The following PRUNE2 variants were observed in gnomAD, a reference collection of about 807,000 sequenced individuals.
The protein encoded by PRUNE2 is prune homolog 2 with BCH domain.
A neutral mutation model predicts 252.0 loss-of-function variants in PRUNE2; 164 were observed. The ratio of observed to expected loss-of-function variants is 0.65; its 90% CI spans 0.57 to 0.74. The LOEUF (loss-of-function observed/expected upper bound fraction) is 0.74, where lower values mean the gene tolerates loss of function less well. Ranked by LOEUF, PRUNE2 falls within the 30% of genes least tolerant of loss-of-function variation. The probability of loss-of-function intolerance (pLI) is 0.00; values close to 1 mark genes in which losing one functional copy is unlikely to be tolerated. For missense variants in PRUNE2, 3,495 were observed against 3,711.0 expected (o/e 0.94, Z 1.51); for synonymous variants, 1,292 against 1,350.2 (o/e 0.96, Z 0.94).
intron 4 of PRUNE2, among the ~76,000 whole-genome samples, chr9:76,842,278 G>A (rs1424255695): frequency 6.6e-6 from 1 of 152,176 alleles, no homozygotes; most frequent in Non-Finnish European, 1.5e-5. Flanking sequence ...GGGAAAACTG[G>A]CTAGCCATAT....
At chr9:76,747,374 CTGTT>C (rs1302210043) in intron 6 of PRUNE2, among the ~76,000 whole-genome samples, 1 of 152,130 alleles carries the variant, frequency 6.6e-6, no homozygotes, top group Non-Finnish European at 1.5e-5. Context: ...GCAAAAGTTA[CTGTT>C]TGTTGAGCCT....
intron 9 of PRUNE2, among the ~76,000 whole-genome samples, chr9:76,693,632 C>CG (rs1266455275): frequency 6.6e-6 from 1 of 151,778 alleles, no homozygotes; most frequent in East Asian, 1.9e-4. Context: ...TTAGTGGAGA[C>CG]GGGGTTTCAT....
intron 1 of PRUNE2, among the ~76,000 whole-genome samples, chr9:76,873,243 G>C (rs1206031653): frequency 1.3e-5 from 2 of 152,160 alleles, no homozygotes; most frequent in East Asian, 3.8e-4. Flanking sequence ...ATCAGCCCTA[G>C]AAAACTAGTA....
At position 76,706,382 on chromosome 9, in the gene PRUNE2, C is replaced by A; in HGVS notation, c.5892G>T (p.Leu1964=). The change falls in exon 8 of 19, where the codon CTG becomes CTT. Residue 1964 remains leucine (L), a synonymous_variant. Coordinates refer to ENST00000376718, the MANE Select transcript of PRUNE2 (RefSeq NM_015225.3). ...CTGTGTCCGGATGATCACAGACTGG[C>A]AGCATGGTGTCCTGACACTGCTCTT... ...PTQEQCQDTM[L]PVCDHPDTAF... is the part of the protein sequence containing the mutation. 4 of 1,614,018 alleles carry A rather than the reference C, an allele frequency of 2.5e-6. No individual in the cohort carries two copies. The highest frequency in any genetic ancestry group is 1.7e-6 in the Non-Finnish European group (2 of 1,179,892).
chr9:76,759,077 G>T (rs2130674717), intron 6 of PRUNE2: 1 of 152,408 alleles, frequency 6.6e-6, no homozygotes, highest in East Asian at 1.9e-4. Context: ...CTTTTAGCTG[G>T]TGGCCACTGA....
intron 4 of PRUNE2, among the ~76,000 whole-genome samples, chr9:76,837,797 A>T (rs746674093): frequency 2.0e-4 from 27 of 137,330 alleles, no homozygotes; most frequent in Non-Finnish European, 3.5e-4. Context: ...TTTGAGACGG[A>T]GTCTTGCTCT....
chr9:76,690,131 T>A (rs750556995), intron 9 of PRUNE2, among the ~76,000 whole-genome samples: 3 of 152,232 alleles, frequency 2.0e-5, no homozygotes, highest in Non-Finnish European at 2.9e-5. Flanking sequence ...GGAGCCATGT[T>A]CTTTGTCAAC....
chr9:76,852,626 G>A (rs1325789320), intron 2 of PRUNE2, among the ~76,000 whole-genome samples: 1 of 152,152 alleles, frequency 6.6e-6, no homozygotes, highest in African/African-American at 2.4e-5. Context: ...AAATTTAAAT[G>A]GAGACACAGA....
intron 15 of PRUNE2, among the ~76,000 whole-genome samples, chr9:76,634,956 C>T (rs1839353412): frequency 6.6e-6 from 1 of 152,024 alleles, no homozygotes; most frequent in Non-Finnish European, 1.5e-5. Flanking sequence ...TCTTTGTATA[C>T]CTTAAATAGG....
In PRUNE2 at chr9:76,850,652, C is replaced by T. The variant is rs1169242074; in HGVS notation, c.155G>A (p.Gly52Glu). The change falls in exon 3 of 19, where the codon GGG (glycine) becomes GAG (glutamate). Residue 52 changes from glycine (G) to glutamate (E), a missense_variant. Gly to Glu is a moderately conservative substitution (Grantham distance 98). Coordinates refer to ENST00000376718, the MANE Select transcript of PRUNE2 (RefSeq NM_015225.3). ...GTTCAGCACTGGTAAACACAGAACC[C>T]CTGGTGGACTGACCTACCAAGAAAA... is the stretch of plus-strand genomic sequence containing the variant. ...AYFLDKVSPP[G>E]VLCLPVLNIP... 1.2e-6 allele frequency: 2 copies of T among 1,612,894 alleles called. No homozygotes were observed.
At chr9:76,803,853 T>A (rs1006778805) in intron 6 of PRUNE2, among the ~76,000 whole-genome samples, 2 of 152,182 alleles carry the variant, frequency 1.3e-5, no homozygotes, top group Admixed American at 6.5e-5. Flanking sequence ...CGCAGGTGTT[T>A]ATACTGACAC....
At position 76,710,632 on chromosome 9, in the gene PRUNE2, T is replaced by G; in HGVS notation, c.1642A>C (p.Asn548His). 6.2e-7 allele frequency: 1 copy of G among 1,613,224 alleles called. No individual in the cohort carries two copies. The highest frequency in any genetic ancestry group is 2.2e-5 in the East Asian group (1 of 44,862). The change falls in exon 8 of 19, where the codon AAT becomes CAT. Residue 548 changes from asparagine to histidine, a missense_variant. Physicochemically the swap from Asn to His is moderately conservative, Grantham distance 68. Coordinates refer to ENST00000376718, the MANE Select transcript of PRUNE2 (RefSeq NM_015225.3). The part of the protein sequence containing the change: ...GLDGMGTNMS[N>H]YSSSSLLSGA... ...GACAAAAGTGAACTGGATGAATAAT[T>G]AGACATGTTGGTTCCCATGCCATCA...
intron 6 of PRUNE2, among the ~76,000 whole-genome samples, chr9:76,799,934 G>T (rs975343990): frequency 6.6e-6 from 1 of 152,052 alleles, no homozygotes. Context: ...TGTGAGACCC[G>T]CTGCTCAAAT....
At chr9:76,823,232 A>T (rs2058134986) in intron 6 of PRUNE2, 1 of 154,392 alleles carries the variant, frequency 6.5e-6, no homozygotes. Context: ...ATCAAAAGAC[A>T]ACTTGCTTTT....
At chr9:76,671,244 T>G (rs2041405802) in intron 9 of PRUNE2, among the ~76,000 whole-genome samples, 1 of 144,754 alleles carries the variant, frequency 6.9e-6, no homozygotes, top group Non-Finnish European at 1.5e-5. Context: ...GCTCGAGAAC[T>G]ACGTGAAGAA....
At chr9:76,781,222 C>T (rs886918560) in intron 6 of PRUNE2, among the ~76,000 whole-genome samples, 4 of 152,120 alleles carry the variant, frequency 2.6e-5, no homozygotes, top group Non-Finnish European at 5.9e-5. Flanking sequence ...TAACTCTTTG[C>T]CACATCCCTA....
chr9:76,717,009 CAG>C (rs1212268075), intron 6 of PRUNE2, among the ~76,000 whole-genome samples: 15 of 152,212 alleles, frequency 9.9e-5, no homozygotes, highest in Non-Finnish European at 2.2e-4. Flanking sequence ...TTTATGGCTG[CAG>C]AGACTGTATT....
intron 1 of PRUNE2, among the ~76,000 whole-genome samples, chr9:76,881,245 C>T (rs1041478965): frequency 6.6e-6 from 1 of 152,012 alleles, no homozygotes; most frequent in Admixed American, 6.6e-5. Context: ...TGATTACAGG[C>T]GTGAGCCACC....
Position 76,613,051 on chromosome 9 carries a change from C to G in PRUNE2, c.*1519G>C, listed in dbSNP as rs911467945. The G allele has an allele frequency of 2.6e-5, 4 of 152,176 alleles. No individual in the cohort carries two copies. Among genetic ancestry groups the G allele is most frequent in the African/African-American group, 9.7e-5 (4 of 41,448 alleles). The allele number at this position is 152,176 out of a possible 1,614,324, so 9.4% of individuals were successfully genotyped here. A position where few individuals can be genotyped will look rare whatever the true frequency, so the allele number is the denominator to read the frequency against. Reference sequence around the variant, plus strand: ...ACCTGTATATACTAAAGAAGTGCTTCTAAGAAGGCTTCATTTTGGCAATTG... The same window carrying G: ...ACCTGTATATACTAAAGAAGTGCTTGTAAGAAGGCTTCATTTTGGCAATTG... On this transcript the variant is annotated 3_prime_UTR_variant, in exon 19 of 19. Coordinates refer to ENST00000376718, the MANE Select transcript of PRUNE2 (RefSeq NM_015225.3).
Sources: allele counts gnomAD v4.1 joint callset (sites outside exome capture counted in the v4.1 genomes callset), GRCh38; gene constraint gnomAD v4.1.1; transcripts MANE v1.5; gene names NCBI Gene and HGNC (gene_info 2026-07-23, HGNC 2026-07-21).